The following CIBAR2 variants were observed in gnomAD, a reference collection of about 807,000 sequenced individuals.
CIBAR2 encodes CBY1 interacting BAR domain containing 2, also known as CBY1-interacting BAR domain-containing protein 2.
In CIBAR2, 38 loss-of-function variants were observed where a neutral mutation model predicts 36.2. That is an observed-to-expected ratio of 1.05 (90% CI 0.81 to 1.38). The LOEUF is 1.38. Among genes scored for constraint, CIBAR2 ranks in the 40% most tolerant of loss-of-function variants. CIBAR2 has a pLI of 0.00. For missense variants in CIBAR2, 481 were observed against 383.4 expected (o/e 1.25, Z -2.13); for synonymous variants, 182 against 149.5 (o/e 1.22, Z -1.58).
At position 85,099,281 on chromosome 16, in the gene CIBAR2, G is replaced by A; in HGVS notation, c.819C>T (p.Gly273=). ...EDPEHPHANH[G]RFSLCEWVVK... ...CCACCCACTCACAGAGACTAAACCT[G>A]CCATGATTGGCATGAGGATGTTCAG... is the stretch of plus-strand genomic sequence containing the variant. Residue 273 remains glycine, a synonymous_variant, in exon 9 of 9, where the codon GGC becomes GGT. Transcript: ENST00000539556. 1.9e-6 allele frequency: 3 copies of A among 1,614,044 alleles called. No individual in the cohort carries two copies. Among genetic ancestry groups the A allele is most frequent in the South Asian group, 2.2e-5 (2 of 91,078 alleles).
chr16:85,111,717 G>A (rs1230468150), intron 1 of CIBAR2, among the ~76,000 whole-genome samples: 4 of 152,214 alleles, frequency 2.6e-5, no homozygotes, highest in Non-Finnish European at 5.9e-5. Context: ...GTAATAGCAC[G>A]CCTGTAGTCC....
intron 6 of CIBAR2, among the ~76,000 whole-genome samples, chr16:85,104,658 G>A (rs1247105227): frequency 6.6e-6 from 1 of 152,174 alleles, no homozygotes; most frequent in African/African-American, 2.4e-5. Context: ...GAAGGTTGCA[G>A]TGAGTGGAGA....
At chr16:85,105,458 A>T (rs767981815) in intron 5 of CIBAR2, 27 bp from the exon 6 acceptor site, 1 of 1,556,154 alleles carries the variant, frequency 6.4e-7, no homozygotes, top group Non-Finnish European at 8.9e-7. Context: ...AAGACGTAGA[A>T]AGTGTCATGG....
At chr16:85,102,126 A>G (rs2073960030) in intron 7 of CIBAR2, 88 bp downstream of exon 7, 2 of 743,072 alleles carry the variant, frequency 2.7e-6, no homozygotes, top group Non-Finnish European at 2.4e-6. Context: ...GTGAAATGTT[A>G]CCAACAAAAA....
intron 2 of CIBAR2, among the ~76,000 whole-genome samples, chr16:85,108,541 G>C (rs1567561759): frequency 6.6e-6 from 1 of 152,198 alleles, no homozygotes; most frequent in Non-Finnish European, 1.5e-5. Context: ...TTGCGGATGA[G>C]AAAACTGAGC....
At chr16:85,110,200 C>A (rs2074029287) in intron 2 of CIBAR2, 26 bp downstream of exon 2, 2 of 1,524,740 alleles carry the variant, frequency 1.3e-6, no homozygotes, top group Admixed American at 2.0e-5. Context: ...CCCTCAGCAT[C>A]CCAGACCCGG....
intron 1 of CIBAR2, 116 bp downstream of exon 1, chr16:85,112,217 A>ACCCCCCACCCCC: frequency 1.3e-6 from 1 of 790,980 alleles, no homozygotes; most frequent in Non-Finnish European, 2.2e-6. Flanking sequence ...AGCTCCCCTC[A>ACCCCCCACCCCC]CCCCCAACCC....
chr16:85,108,158 G>T, intron 2 of CIBAR2, 59 bp from the exon 3 acceptor site: 1 of 1,511,634 alleles, frequency 6.6e-7, no homozygotes, highest in Non-Finnish European at 8.9e-7. Flanking sequence ...CTCCAGCCTG[G>T]GCATATAAAG....
At chr16:85,106,943 C>A (rs2074000428) in intron 5 of CIBAR2, among the ~76,000 whole-genome samples, 1 of 152,096 alleles carries the variant, frequency 6.6e-6, no homozygotes, top group Non-Finnish European at 1.5e-5. Context: ...GTCAGGAGTT[C>A]AAGACCAGCC....
At position 85,112,457 on chromosome 16, in the gene CIBAR2, C is replaced by T; in HGVS notation, c.-105G>A. 1.6e-6 allele frequency: 2 copies of T among 1,218,936 alleles called. No homozygotes were observed. The highest frequency in any genetic ancestry group is 1.2e-6 in the Non-Finnish European group (1 of 827,754). 75.5% of individuals were successfully genotyped at this position (1,218,936 alleles called of 1,614,324 possible). On this transcript the variant is annotated 5_prime_UTR_variant, in exon 1 of 9. Coordinates refer to ENST00000539556, the MANE Select transcript of CIBAR2 (RefSeq NM_198491.3). ...GGCAGGGCTGGGTGCAGCTGTGTGG[C>T]CTGGGCTCAAGGGACGCTGCCACCC...
rs773751395 is a variant in CIBAR2 at position 85,110,386 on chromosome 16, A to C, written c.95T>G (p.Leu32Arg). 3.1e-6 allele frequency: 5 copies of C among 1,613,344 alleles called. No individual in the cohort carries two copies. The highest frequency in any genetic ancestry group is 4.2e-6 in the Non-Finnish European group (5 of 1,179,816). ...GGCCGTCTTGCGCGTGTAGGCGGCC[A>C]GCAGCGAGCAGAACTGCCCAAAGTA... ...EKYFGQFCSL[L>R]AAYTRKTARL... The change falls in exon 2 of 9, where the codon CTG (leucine) becomes CGG (arginine). Residue 32 changes from leucine (L) to arginine (R), a missense_variant. Coordinates refer to ENST00000539556, the MANE Select transcript of CIBAR2 (RefSeq NM_198491.3).
intron 7 of CIBAR2, among the ~76,000 whole-genome samples, chr16:85,101,821 C>T (rs1021131700): frequency 1.3e-5 from 2 of 152,066 alleles, no homozygotes; most frequent in Non-Finnish European, 2.9e-5. Flanking sequence ...AGGTGCCCAC[C>T]ACCACGCCTG....
Position 85,107,770 on chromosome 16 carries a change from G to T in CIBAR2, c.426+76C>A, listed in dbSNP as rs545744039. 4 of 1,587,454 alleles carry T rather than the reference G, an allele frequency of 2.5e-6. No homozygotes were observed. The South Asian group carries it at 3.3e-5, about 13-fold the overall frequency. On this transcript the variant is annotated intron_variant, in intron 4 of 8. Transcript: ENST00000539556. ...CCCCTGCCCAGCGGGCCCAGGCAAA[G>T]AAAACCTCAGAAGACATCAGTGTGA...
At chr16:85,105,273 C>G in intron 6 of CIBAR2, 54 bp downstream of exon 6, 1 of 1,000,958 alleles carries the variant, frequency 1.0e-6, no homozygotes, top group Non-Finnish European at 1.6e-6. Context: ...CACGTGCATG[C>G]ACACACACAC....
At chr16:85,111,766 C>T (rs950353632) in intron 1 of CIBAR2, among the ~76,000 whole-genome samples, 1 of 152,344 alleles carries the variant, frequency 6.6e-6, no homozygotes, top group South Asian at 2.1e-4. Context: ...ATCGCTTGAG[C>T]CCAGGCGATG....
rs759100677 is a variant in CIBAR2 at position 85,110,405 on chromosome 16, C to G, written c.76G>C (p.Gly26Arg). Residue 26 changes from glycine (G) to arginine (R), a missense_variant, in exon 2 of 9, where the codon GGG (glycine) becomes CGG (arginine). By Grantham distance (125) the Gly-to-Arg change is moderately radical. Transcript: ENST00000539556. ...NTVANTEKYFGQFCSLLAAYT... is the reference protein window; with the variant it reads ...NTVANTEKYFRQFCSLLAAYT... ...GCGGCCAGCAGCGAGCAGAACTGCC[C>G]AAAGTACTTCTCGGTGTTGGCCACG... 11 of 1,613,058 alleles carry G rather than the reference C, an allele frequency of 6.8e-6. No individual in the cohort carries two copies. The highest frequency in any genetic ancestry group is 9.3e-6 in the Non-Finnish European group (11 of 1,179,594).
chr16:85,106,812 C>G (rs903564890), intron 5 of CIBAR2, among the ~76,000 whole-genome samples: 1 of 152,172 alleles, frequency 6.6e-6, no homozygotes, highest in African/African-American at 2.4e-5. Context: ...CCAGAAACAT[C>G]GCCAGAGAGT....
intron 2 of CIBAR2, among the ~76,000 whole-genome samples, chr16:85,109,428 G>A (rs1386123592): frequency 6.6e-6 from 1 of 152,174 alleles, no homozygotes; most frequent in Non-Finnish European, 1.5e-5. Flanking sequence ...GGAGAAGAGA[G>A]TGCCGTTTCT....
intron 3 of CIBAR2, 35 bp downstream of exon 3, chr16:85,107,996 A>G (rs545807222): frequency 1.2e-6 from 2 of 1,613,670 alleles, no homozygotes. Flanking sequence ...AGGGCAAGAC[A>G]GGGATGCCAC....
Sources: gnomAD v4.1 joint callset for allele counts (sites outside exome capture counted in the v4.1 genomes callset) on GRCh38, gnomAD v4.1.1 for gene constraint, MANE v1.5 for transcripts, NCBI Gene and HGNC (gene_info 2026-07-23, HGNC 2026-07-21) for gene names.